STRADB: variants seen among roughly 807,000 people sequenced by gnomAD.
STRADB encodes the protein STE20 related adaptor beta.
In STRADB, 34 loss-of-function variants were observed where a neutral mutation model predicts 52.1. That is an observed-to-expected ratio of 0.65 (90% CI 0.50 to 0.87). The LOEUF is 0.87. STRADB is among the 40% of genes least tolerant of loss of function. The pLI is 0.00. For missense variants in STRADB, 340 were observed against 483.9 expected (o/e 0.70, Z 2.79); for synonymous variants, 133 against 174.5 (o/e 0.76, Z 1.87).
At chr2:201,458,746 C>T in intron 2 of STRADB, 38 bp from the exon 3 acceptor site, 1 of 1,591,754 alleles carries the variant, frequency 6.3e-7, no homozygotes, top group Non-Finnish European at 8.6e-7. Flanking sequence ...TATCCTGTAA[C>T]TTATTTTTCA....
intron 5 of STRADB, 159 bp from the exon 6 acceptor site, chr2:201,474,488 A>G (rs1952441326): frequency 1.8e-6 from 1 of 553,524 alleles, no homozygotes; most frequent in Non-Finnish European, 3.1e-6. Flanking sequence ...AATATCACAT[A>G]CTTTGTGGAG....
chr2:201,477,819 C>T (rs1217712285), intron 8 of STRADB, 29 bp downstream of exon 8: 1 of 1,602,800 alleles, frequency 6.2e-7, no homozygotes, highest in Non-Finnish European at 8.5e-7. Flanking sequence ...ATTGGGTTGT[C>T]TGTGTCTCAA....
At chr2:201,472,576 G>T (rs1317978582) in intron 4 of STRADB, among the ~76,000 whole-genome samples, 1 of 152,210 alleles carries the variant, frequency 6.6e-6, no homozygotes, top group Non-Finnish European at 1.5e-5. Flanking sequence ...CAGGGACTGG[G>T]AGTGGGGATG....
chr2:201,466,499 C>T lies in STRADB; in HGVS notation c.94-3454C>T, dbSNP rs141995967. ...TGATGACTAGAAAAACTTCCTTGTG[C>T]GCTCTCTGAGTCATGCTGTAAAACA... On this transcript the variant is annotated intron_variant, in intron 3 of 11. Transcript: ENST00000194530. Among the ~76,000 whole-genome samples, 346 of 152,258 alleles carry T rather than the reference C, an allele frequency of 2.3e-3. 3 individuals carry two copies. Among genetic ancestry groups the T allele is most frequent in the African/African-American group, 7.6e-3 (317 of 41,548 alleles).
At position 201,454,744 on chromosome 2, in the gene STRADB, A is replaced by G. The variant is rs1952102093; in HGVS notation, c.-95-2A>G. Reference sequence around the variant, plus strand: ...AAATTATTTTGCTTTTGTTTTTTATAGTAGGATATATCTGCATCTTGAAAG... The same window carrying G: ...AAATTATTTTGCTTTTGTTTTTTATGGTAGGATATATCTGCATCTTGAAAG... On this transcript the variant is annotated splice_acceptor_variant, in intron 1 of 11. Coordinates refer to ENST00000194530, the MANE Select transcript of STRADB (RefSeq NM_018571.6). LOFTEE classifies it low-confidence loss of function (5UTR_SPLICE). The G allele has an allele frequency of 2.5e-6, 3 of 1,198,724 alleles. No individual in the cohort carries two copies. Among genetic ancestry groups the G allele is most frequent in the Non-Finnish European group, 3.5e-6 (3 of 854,732 alleles). 74.3% of individuals were successfully genotyped at this position (1,198,724 alleles called of 1,614,324 possible). A position where few individuals can be genotyped will look rare whatever the true frequency, so the allele number is the denominator to read the frequency against.
intron 3 of STRADB, among the ~76,000 whole-genome samples, chr2:201,465,839 G>A (rs1157740559): frequency 4.6e-5 from 7 of 152,138 alleles, no homozygotes; most frequent in Non-Finnish European, 8.8e-5. Context: ...CTCCCTCCTT[G>A]GGCACTGGCT....
chr2:201,461,840 T>C (rs1403007510), intron 3 of STRADB, among the ~76,000 whole-genome samples: 1 of 152,194 alleles, frequency 6.6e-6, no homozygotes, highest in African/African-American at 2.4e-5. Flanking sequence ...CTTTAATCCA[T>C]TTCAATTTTA....
Position 201,474,681 on chromosome 2 carries a change from C to A in STRADB, c.350C>A (p.Pro117His). 6.2e-7 allele frequency: 1 copy of A among 1,611,962 alleles called. No individual in the cohort carries two copies. Among genetic ancestry groups the A allele is most frequent in the Non-Finnish European group, 8.5e-7 (1 of 1,179,502 alleles). The change falls in exon 6 of 12, where the codon CCC becomes CAC. Residue 117 changes from proline (P) to histidine (H), a missense_variant. Physicochemically the swap from Pro to His is moderately conservative, Grantham distance 77. Coordinates refer to ENST00000194530, the MANE Select transcript of STRADB (RefSeq NM_018571.6). ...ATTCTATCCCACTTTTTCCGGCATC[C>A]CAATATTACAACTTATTGGACAGTT... is the stretch of plus-strand genomic sequence containing the variant. The part of the protein sequence containing the change: ...AVILSHFFRH[P>H]NITTYWTVFT...
chr2:201,456,758 G>T (rs1290148435), intron 2 of STRADB, among the ~76,000 whole-genome samples: 1 of 152,054 alleles, frequency 6.6e-6, no homozygotes, highest in East Asian at 1.9e-4. Flanking sequence ...CTTTTTACTT[G>T]GCTATTATGA....
chr2:201,479,602 T>A, intron 11 of STRADB, 71 bp downstream of exon 11: 9 of 1,460,804 alleles, frequency 6.2e-6, no homozygotes, highest in Non-Finnish European at 8.4e-6. Context: ...TTTTGTTGGC[T>A]TGATGAGATA....
Position 201,480,063 on chromosome 2 carries a change from C to A in STRADB, c.1145C>A (p.Ser382Ter). 1 of 1,613,888 alleles carries A rather than the reference C, an allele frequency of 6.2e-7. No individual in the cohort carries two copies. The highest frequency in any genetic ancestry group is 1.7e-4 in the Middle Eastern group (1 of 6,052). Residue 382 changes from serine (S) to a stop codon, truncating the protein, a stop_gained, in exon 12 of 12, where the codon TCA becomes TAA. Transcript: ENST00000194530. LOFTEE classifies it high-confidence loss of function. ...GAAGAAAGCCAGGATTCAATACTTT[C>A]ACTGTTGCCTCCTGCTTATAACAAG... ...MKEESQDSIL[S>*]LLPPAYNKPS...
At position 201,466,910 on chromosome 2, in the gene STRADB, A is replaced by G. The variant is rs186451030; in HGVS notation, c.94-3043A>G. Among the ~76,000 whole-genome samples, 190 of 152,304 alleles carry G rather than the reference A, an allele frequency of 1.2e-3. 2 individuals carry two copies. Among genetic ancestry groups the G allele is most frequent in the Non-Finnish European group, 3.7e-4 (25 of 68,024 alleles). ...AAAATAGTCATCATAGAAAAATAGA[A>G]ACATACAGAAAGGTATGTTTCACCA... On this transcript the variant is annotated intron_variant, in intron 3 of 11. Transcript: ENST00000194530.
intron 1 of STRADB, among the ~76,000 whole-genome samples, chr2:201,452,256 C>T (rs981857965): frequency 1.3e-5 from 2 of 152,128 alleles, no homozygotes; most frequent in Admixed American, 1.3e-4. Flanking sequence ...CGCCCTCTCC[C>T]CGCACCCCTC....
intron 5 of STRADB, among the ~76,000 whole-genome samples, chr2:201,474,015 C>T (rs918658858): frequency 6.6e-6 from 1 of 151,818 alleles, no homozygotes; most frequent in Non-Finnish European, 1.5e-5. Flanking sequence ...CCCAGCCTCC[C>T]GAGTAGCTGG....
At chr2:201,467,008 G>A (rs1404264675) in intron 3 of STRADB, among the ~76,000 whole-genome samples, 1 of 152,136 alleles carries the variant, frequency 6.6e-6, no homozygotes, top group Non-Finnish European at 1.5e-5. Flanking sequence ...ATTGAACTAT[G>A]ATGTAGGGTC....
chr2:201,454,741 T>C lies in STRADB; in HGVS notation c.-95-5T>C. The stretch of plus-strand genomic sequence containing the variant: ...TCTAAATTATTTTGCTTTTGTTTTT[T>C]ATAGTAGGATATATCTGCATCTTGA... On this transcript the variant is annotated splice_polypyrimidine_tract_variant and splice_region_variant and intron_variant, in intron 1 of 11. Coordinates refer to ENST00000194530, the MANE Select transcript of STRADB (RefSeq NM_018571.6). The C allele has an allele frequency of 8.4e-7, 1 of 1,183,748 alleles. No homozygotes were observed. The allele number at this position is 1,183,748 out of a possible 1,614,324, so 73.3% of individuals were successfully genotyped here.
intron 2 of STRADB, 56 bp downstream of exon 2, chr2:201,454,908 A>G: frequency 2.0e-6 from 3 of 1,512,530 alleles, no homozygotes; most frequent in Non-Finnish European, 2.7e-6. Context: ...TTGGATGTTA[A>G]TGCCAAGCCA....
Position 201,479,538 on chromosome 2 carries a change from TG to T in STRADB, c.1113+8del. On this transcript the variant is annotated splice_region_variant and intron_variant, in intron 11 of 11. Transcript: ENST00000194530. ...CCATGTTTTCTTCAAACAGGTGAGC[TG>T]ATCTATCATCCGTTGTCTCGATGTT... is the stretch of plus-strand genomic sequence containing the variant. 1 of 1,600,182 alleles carries T rather than the reference TG, an allele frequency of 6.2e-7. No homozygotes were observed. Among genetic ancestry groups the T allele is most frequent in the South Asian group, 1.2e-5 (1 of 86,408 alleles).
In STRADB at chr2:201,472,858, CT is replaced by C. The variant is rs1388172900; in HGVS notation, c.194-92del. 3.2e-6 allele frequency: 4 copies of C among 1,257,294 alleles called. No individual in the cohort carries two copies. In the African/African-American group the frequency reaches 4.6e-5, roughly 14 times the overall value. The allele number at this position is 1,257,294 out of a possible 1,614,324, so 77.9% of individuals were successfully genotyped here. On this transcript the variant is annotated intron_variant, in intron 4 of 11. Coordinates refer to ENST00000194530, the MANE Select transcript of STRADB (RefSeq NM_018571.6). ...GTGCCTTTTCATTTTCTTAACAGTA[CT>C]TTTTGAAGAGTAAGACTTTTCAATT...
Sources: gnomAD v4.1 joint callset for allele counts (sites outside exome capture counted in the v4.1 genomes callset) on GRCh38, gnomAD v4.1.1 for gene constraint, MANE v1.5 for transcripts, NCBI Gene and HGNC (gene_info 2026-07-23, HGNC 2026-07-21) for gene names.